Variants in GALNTL6 observed in about 807,000 individuals in gnomAD.
GALNTL6 encodes the protein polypeptide N-acetylgalactosaminyltransferase-like 6.
In GALNTL6, 46 loss-of-function variants were observed where a neutral mutation model predicts 73.7. That is an observed-to-expected ratio of 0.62 (90% CI 0.49 to 0.80). The LOEUF is 0.80. Ranked by LOEUF, GALNTL6 falls within the 30% of genes least tolerant of loss-of-function variation. GALNTL6 has a pLI of 0.00. For synonymous variants in GALNTL6, 259 were observed against 263.7 expected (o/e 0.98, Z 0.17); for missense variants, 604 against 755.0 (o/e 0.80, Z 2.34).
intron 5 of GALNTL6, among the ~76,000 whole-genome samples, chr4:172,597,111 C>T (rs1737884386): frequency 6.6e-6 from 1 of 152,126 alleles, no homozygotes; most frequent in African/African-American, 2.4e-5. Flanking sequence ...TATTAGCTAT[C>T]CAAATATTGC....
chr4:172,753,004 T>C (rs1210241827), intron 5 of GALNTL6, among the ~76,000 whole-genome samples: 1 of 152,202 alleles, frequency 6.6e-6, no homozygotes, highest in African/African-American at 2.4e-5. Context: ...AGAAATATAA[T>C]TTAATTACTG....
intron 5 of GALNTL6, among the ~76,000 whole-genome samples, chr4:172,678,886 G>A (rs994560912): frequency 6.6e-5 from 10 of 152,070 alleles, no homozygotes; most frequent in Admixed American, 1.3e-4. Context: ...CTAAAGTAGA[G>A]GTTTCTCAGT....
intron 2 of GALNTL6, among the ~76,000 whole-genome samples, chr4:172,042,596 C>T (rs1019553462): frequency 8.6e-5 from 13 of 151,800 alleles, no homozygotes; most frequent in African/African-American, 1.4e-4. Flanking sequence ...GTTTCACAAG[C>T]GAAATCCTCA....
chr4:172,171,793 C>G (rs1734838806), intron 2 of GALNTL6, among the ~76,000 whole-genome samples: 1 of 152,142 alleles, frequency 6.6e-6, no homozygotes, highest in Non-Finnish European at 1.5e-5. Context: ...CCAATGCACT[C>G]CAGCCTGGCT....
intron 5 of GALNTL6, among the ~76,000 whole-genome samples, chr4:172,458,948 G>T (rs187473326): frequency 6.4e-4 from 97 of 152,212 alleles, no homozygotes; most frequent in African/African-American, 1.9e-3. Flanking sequence ...GATGAATATC[G>T]ATGTGAAAAT....
chr4:172,346,687 G>A (rs1201236045), intron 4 of GALNTL6, among the ~76,000 whole-genome samples: 1 of 152,112 alleles, frequency 6.6e-6, no homozygotes, highest in Non-Finnish European at 1.5e-5. Context: ...ACTAGATTTT[G>A]TTCATTGTTT....
chr4:172,293,258 C>A (rs1433132829), intron 3 of GALNTL6, among the ~76,000 whole-genome samples: 1 of 151,986 alleles, frequency 6.6e-6, no homozygotes, highest in African/African-American at 2.4e-5. Context: ...TTCCTCATGC[C>A]CCCACCCTTT....
At chr4:173,027,367 T>C (rs1377552473) in intron 12 of GALNTL6, among the ~76,000 whole-genome samples, 1 of 152,238 alleles carries the variant, frequency 6.6e-6, no homozygotes, top group Non-Finnish European at 1.5e-5. Context: ...TATATATTGA[T>C]AGAGACATGC....
chr4:171,866,176 G>A (rs755113143), intron 2 of GALNTL6, among the ~76,000 whole-genome samples: 2 of 151,996 alleles, frequency 1.3e-5, no homozygotes, highest in Non-Finnish European at 2.9e-5. Flanking sequence ...TAATGTTGTG[G>A]TGTTTTAAAA....
chr4:171,881,396 C>T (rs1031118581), intron 2 of GALNTL6, among the ~76,000 whole-genome samples: 2 of 152,196 alleles, frequency 1.3e-5, no homozygotes, highest in Middle Eastern at 3.4e-3. Context: ...AGAAGTGGGG[C>T]CCAGTGGGAG....
At chr4:172,969,601 TAC>T (rs1209327183) in intron 10 of GALNTL6, among the ~76,000 whole-genome samples, 1 of 152,206 alleles carries the variant, frequency 6.6e-6, no homozygotes, top group African/African-American at 2.4e-5. Context: ...CTTTGAAGTA[TAC>T]ACATTTTGTA....
At chr4:172,832,075 G>A (rs886580780) in intron 7 of GALNTL6, among the ~76,000 whole-genome samples, 3 of 152,156 alleles carry the variant, frequency 2.0e-5, no homozygotes, top group Middle Eastern at 3.4e-3. Context: ...CACAGCTTTC[G>A]GCAAGGATAA....
intron 2 of GALNTL6, among the ~76,000 whole-genome samples, chr4:172,083,960 C>A (rs542449660): frequency 2.0e-5 from 3 of 152,194 alleles, no homozygotes; most frequent in African/African-American, 7.2e-5. Flanking sequence ...CTGTAAGAAC[C>A]CATGGAACTC....
At chr4:171,819,358 T>A (rs1734623673) in intron 2 of GALNTL6, among the ~76,000 whole-genome samples, 1 of 152,154 alleles carries the variant, frequency 6.6e-6, no homozygotes, top group South Asian at 2.1e-4. Flanking sequence ...CATTGCCCCA[T>A]GGGAGACAGA....
intron 2 of GALNTL6, among the ~76,000 whole-genome samples, chr4:171,983,405 C>A (rs975010422): frequency 6.6e-6 from 1 of 152,126 alleles, no homozygotes; most frequent in South Asian, 2.1e-4. Context: ...TGACTGAGAA[C>A]TTTTCTAGAA....
chr4:172,336,185 T>C (rs1040480141), intron 4 of GALNTL6, among the ~76,000 whole-genome samples: 1 of 151,944 alleles, frequency 6.6e-6, no homozygotes, highest in African/African-American at 2.4e-5. Context: ...ATTTATATCT[T>C]AATTTATTTG....
At chr4:173,029,405 A>G (rs980368385) in intron 12 of GALNTL6, among the ~76,000 whole-genome samples, 2 of 152,216 alleles carry the variant, frequency 1.3e-5, no homozygotes, top group Non-Finnish European at 2.9e-5. Flanking sequence ...ACTGCTCTCC[A>G]TATGACTTAA....
intron 8 of GALNTL6, among the ~76,000 whole-genome samples, chr4:172,912,467 C>T (rs558669904): frequency 6.6e-5 from 10 of 152,296 alleles, no homozygotes; most frequent in African/African-American, 2.2e-4. Flanking sequence ...CTTTCCTAGA[C>T]AAGGGAAGCC....
chr4:172,701,555 ACT>A (rs1734029162), intron 5 of GALNTL6, among the ~76,000 whole-genome samples: 1 of 151,898 alleles, frequency 6.6e-6, no homozygotes, highest in Non-Finnish European at 1.5e-5. Context: ...TAAGAAAGAA[ACT>A]CTGATGGGGT....
Sources: allele counts gnomAD v4.1 joint callset (sites outside exome capture counted in the v4.1 genomes callset), GRCh38; gene constraint gnomAD v4.1.1; transcripts MANE v1.5; gene names NCBI Gene and HGNC (gene_info 2026-07-23, HGNC 2026-07-21).